Variants in LRRC43 observed in about 807,000 individuals in gnomAD.
LRRC43 encodes leucine-rich repeat-containing protein 43.
Under a neutral mutation model 64.3 loss-of-function variants are expected in LRRC43, and 62 were observed. The ratio of observed to expected loss-of-function variants is 0.96; its 90% CI spans 0.79 to 1.19. The LOEUF is 1.19. Ranked by LOEUF, LRRC43 falls within the 50% of genes most tolerant of loss-of-function variation. The pLI is 0.00. For synonymous variants in LRRC43, 422 were observed against 382.3 expected (o/e 1.10, Z -1.21); for missense variants, 868 against 845.0 (o/e 1.03, Z -0.34).
In LRRC43 at chr12:122,184,740, C is replaced by T; in HGVS notation, c.372C>T (p.Phe124=). 1 of 1,611,968 alleles carries T rather than the reference C, an allele frequency of 6.2e-7. No homozygotes were observed. Among genetic ancestry groups the T allele is most frequent in the Non-Finnish European group, 8.5e-7 (1 of 1,179,048 alleles). ...CGCTGACGATCACAGACACCTTCTT[C>T]TACTCCTACTTCCGGTCCCTGCGGG... ...RNPLTITDTF[F]YSYFRSLRVI... The change falls in exon 2 of 12, where the codon TTC becomes TTT. Residue 124 remains phenylalanine, a synonymous_variant. Coordinates refer to ENST00000339777, the MANE Select transcript of LRRC43 (RefSeq NM_001098519.2). The surrounding 1 kb of genome is among the most constrained non-coding windows in gnomAD (Gnocchi z 4.0).
intron 1 of LRRC43, 53 bp downstream of exon 1, chr12:122,183,347 A>C (rs1953603400): frequency 7.2e-7 from 1 of 1,391,610 alleles, no homozygotes; most frequent in Admixed American, 3.7e-5. Flanking sequence ...GCGGGGAGGC[A>C]CGGGCCCGGG....
At chr12:122,186,158 T>C (rs1801170904) in intron 2 of LRRC43, 32 bp from the exon 3 acceptor site, 3 of 1,288,464 alleles carry the variant, frequency 2.3e-6, no homozygotes, top group African/African-American at 2.9e-5. Context: ...CCTCTCCTGC[T>C]ACAGCCCTCA....
Position 122,184,369 on chromosome 12 carries a change from C to G in LRRC43, c.151-150C>G. The G allele has an allele frequency of 1.0e-6, 1 of 973,730 alleles. No homozygotes were observed. The highest frequency in any genetic ancestry group is 1.5e-6 in the Non-Finnish European group (1 of 676,754). The allele number at this position is 973,730 out of a possible 1,614,324, so 60.3% of individuals were successfully genotyped here. ...TCAGCCTCCCAAAGTGCTGGGATTA[C>G]AGGCATGAGCCACCGCACCTGGCCT... On this transcript the variant is annotated intron_variant, in intron 1 of 11. Transcript: ENST00000339777. This position sits in a 1 kb window ranked among gnomAD's most constrained non-coding sequence, Gnocchi z 4.0.
At chr12:122,178,582 C>CTTTT (rs57204293), upstream of LRRC43, among the ~76,000 whole-genome samples, 9 of 60,728 alleles carry the variant, frequency 1.5e-4, no homozygotes, top group Non-Finnish European at 2.0e-4. Flanking sequence ...AGGTGGCTTT[C>CTTTT]TTTTTTTTTT....
In LRRC43 at chr12:122,200,885, A is replaced by G. The variant is rs1953830813; in HGVS notation, c.1760A>G (p.Asn587Ser). ...GAGCCCCTGGTGTCCACCGTGTGCA[A>G]CTTCGGCGTGGTCCGCACATTGACA... ...AGEPLVSTVC[N>S]FGVVRTLTSD... Residue 587 changes from asparagine (N) to serine (S), a missense_variant, in exon 10 of 12, where the codon AAC (asparagine) becomes AGC (serine). Coordinates refer to ENST00000339777, the MANE Select transcript of LRRC43 (RefSeq NM_001098519.2). The surrounding 1 kb of genome is among the most constrained non-coding windows in gnomAD (Gnocchi z 4.6). The G allele has an allele frequency of 3.7e-6, 6 of 1,612,538 alleles. No individual in the cohort carries two copies. In the East Asian group the frequency reaches 1.1e-4, roughly 30 times the overall value.
chr12:122,185,648 G>T (rs1953634745), intron 2 of LRRC43, among the ~76,000 whole-genome samples: 1 of 152,236 alleles, frequency 6.6e-6, no homozygotes, highest in African/African-American at 2.4e-5. Flanking sequence ...TAGGGTGACT[G>T]ACTGGTAGCA....
intron 11 of LRRC43, 59 bp downstream of exon 11, chr12:122,201,388 A>G: frequency 1.3e-6 from 2 of 1,543,498 alleles, no homozygotes; most frequent in Non-Finnish European, 1.8e-6. Context: ...GCTGAGGGCC[A>G]GCCCTGGGGG....
chr12:122,180,594 GAC>G (rs1953573384), upstream of LRRC43, among the ~76,000 whole-genome samples: 1 of 152,170 alleles, frequency 6.6e-6, no homozygotes, highest in African/African-American at 2.4e-5. Context: ...AGAGAAAAGA[GAC>G]AGTGTTGGCT....
intron 5 of LRRC43, among the ~76,000 whole-genome samples, chr12:122,190,590 C>T (rs1033804274): frequency 2.0e-5 from 3 of 152,314 alleles, no homozygotes; most frequent in East Asian, 1.9e-4. Context: ...AGGCCGGGCG[C>T]GGTGGCTAAC....
Position 122,187,681 on chromosome 12 carries a change from CCTTCCGTGTGGTCT to C in LRRC43, c.523-18_523-5del, listed in dbSNP as rs761342873. On this transcript the variant is annotated splice_polypyrimidine_tract_variant and splice_region_variant and intron_variant, in intron 3 of 11. Transcript: ENST00000339777. ...TGACTTGGGGCCCCATCGTCCCGGG[CCTTCCGTGTGGTCT>C]CCCAGGTGCTGGAGCTCTACGGCAA... 1 of 1,611,646 alleles carries C rather than the reference CCTTCCGTGTGGTCT, an allele frequency of 6.2e-7. No homozygotes were observed. The highest frequency in any genetic ancestry group is 1.3e-5 in the African/African-American group (1 of 74,988).
chr12:122,183,564 TG>T (rs1489613056), intron 1 of LRRC43, among the ~76,000 whole-genome samples: 1 of 152,146 alleles, frequency 6.6e-6, no homozygotes, highest in Non-Finnish European at 1.5e-5. Context: ...AGATTTCTAG[TG>T]GGCAGGCTCC....
chr12:122,189,191 C>CT (rs1157623054), intron 4 of LRRC43, among the ~76,000 whole-genome samples: 1 of 152,126 alleles, frequency 6.6e-6, no homozygotes, highest in Non-Finnish European at 1.5e-5. Flanking sequence ...GAGAGGAAGG[C>CT]TTTGCAAAAC....
chr12:122,176,829 A>G (rs547682450), intron 1 of LRRC43, among the ~76,000 whole-genome samples: 1 of 151,972 alleles, frequency 6.6e-6, no homozygotes, highest in South Asian at 2.1e-4. Flanking sequence ...TAATTCTTGT[A>G]TTTTTAGTAG....
intron 4 of LRRC43, 53 bp from the exon 5 acceptor site, chr12:122,190,076 TG>T (rs749438454): frequency 6.8e-7 from 1 of 1,461,096 alleles, no homozygotes; most frequent in East Asian, 2.3e-5. Context: ...ACAGGCTGCT[TG>T]CCCCCTGCTC....
At position 122,190,232 on chromosome 12, in the gene LRRC43, G is replaced by A. The variant is rs1389014823; in HGVS notation, c.765G>A (p.Leu255=). 6.2e-7 allele frequency: 1 copy of A among 1,614,182 alleles called. No individual in the cohort carries two copies. Among genetic ancestry groups the A allele is most frequent in the Admixed American group, 1.7e-5 (1 of 60,030 alleles). Residue 255 remains leucine (L), a synonymous_variant, in exon 5 of 12, where the codon CTG becomes CTA. Coordinates refer to ENST00000339777, the MANE Select transcript of LRRC43 (RefSeq NM_001098519.2). ...TCCGGCACCTGCGACTCCTGGTGCTGCAGGGAAACCCACTGGCCTTGGTGC... is the reference window on the plus strand; with the variant it reads ...TCCGGCACCTGCGACTCCTGGTGCTACAGGGAAACCCACTGGCCTTGGTGC... The part of the protein sequence containing the change: ...RTLRHLRLLV[L]QGNPLALVPY...
In LRRC43 at chr12:122,184,716, G is replaced by A. The variant is rs570495541; in HGVS notation, c.348G>A (p.Pro116=). Reference sequence around the variant, plus strand: ...TGAGAGAATTGGCCATCCGGAACCCGCTGACGATCACAGACACCTTCTTCT... The same window carrying A: ...TGAGAGAATTGGCCATCCGGAACCCACTGACGATCACAGACACCTTCTTCT... ...SFLRELAIRN[P]LTITDTFFYS... Residue 116 remains proline (P), a synonymous_variant, in exon 2 of 12, where the codon CCG becomes CCA. Transcript: ENST00000339777. This position sits in a 1 kb window ranked among gnomAD's most constrained non-coding sequence, Gnocchi z 4.0. The A allele has an allele frequency of 4.3e-6, 7 of 1,613,636 alleles. No homozygotes were observed. In the Admixed American group the frequency reaches 8.3e-5, roughly 19 times the overall value.
chr12:122,191,086 C>T (rs1245360388), intron 5 of LRRC43, among the ~76,000 whole-genome samples: 2 of 152,298 alleles, frequency 1.3e-5, no homozygotes, highest in South Asian at 2.1e-4. Flanking sequence ...CAAGGTGCAC[C>T]GGAGGCTTCT....
chr12:122,176,716 G>T (rs1400892902), intron 1 of LRRC43, among the ~76,000 whole-genome samples: 1 of 151,382 alleles, frequency 6.6e-6, no homozygotes, highest in Admixed American at 6.6e-5. Flanking sequence ...GTGAAGTGGC[G>T]CAATCTCAGC....
chr12:122,188,741 T>A (rs1017052824), intron 4 of LRRC43, among the ~76,000 whole-genome samples: 4 of 152,206 alleles, frequency 2.6e-5, no homozygotes, highest in Non-Finnish European at 5.9e-5. Flanking sequence ...GCACTTGGCC[T>A]GGTGCCGTAT....
Sources: allele counts gnomAD v4.1 joint callset (sites outside exome capture counted in the v4.1 genomes callset), GRCh38; gene constraint gnomAD v4.1.1; non-coding constraint Gnocchi (gnomAD v3.1); transcripts MANE v1.5; gene names NCBI Gene and HGNC (gene_info 2026-07-23, HGNC 2026-07-21).